CBFA2T3: variants seen among roughly 807,000 people sequenced by gnomAD.
CBFA2T3 encodes the protein CBFA2/RUNX1 partner transcriptional co-repressor 3.
In CBFA2T3, 31 loss-of-function variants were observed where a neutral mutation model predicts 58.6. The observed-to-expected ratio is 0.53, with a 90% CI of 0.40 to 0.71. The LOEUF is 0.71. Among genes scored for constraint, CBFA2T3 ranks in the 30% least tolerant of loss-of-function variants. The probability of loss-of-function intolerance (pLI) is 0.00; values close to 1 mark genes in which losing one functional copy is unlikely to be tolerated. For missense variants in CBFA2T3, 1,076 were observed against 963.1 expected (o/e 1.12, Z -1.55); for synonymous variants, 531 against 421.9 (o/e 1.26, Z -3.17).
intron 1 of CBFA2T3, among the ~76,000 whole-genome samples, chr16:88,963,836 C>T (rs955094125): frequency 1.3e-5 from 2 of 152,344 alleles, no homozygotes; most frequent in Admixed American, 6.5e-5. Flanking sequence ...CAGGGAGGCT[C>T]GGGTCCGTGC....
chr16:88,976,367 G>A (rs927343665), intron 1 of CBFA2T3, among the ~76,000 whole-genome samples: 1 of 151,070 alleles, frequency 6.6e-6, no homozygotes, highest in African/African-American at 2.4e-5. Context: ...GGAGAACACA[G>A]CCCACCCTCC....
chr16:88,882,415 G>A (rs1268005501), intron 8 of CBFA2T3, among the ~76,000 whole-genome samples: 1 of 150,656 alleles, frequency 6.6e-6, no homozygotes, highest in East Asian at 1.9e-4. Context: ...GTGTGGCTGT[G>A]TGTGTATGGC....
In CBFA2T3 at chr16:88,881,274, C is replaced by T; in HGVS notation, c.1402+17G>A. ...AGCACCCCGTGTCTGCTCCCTCCCC[C>T]CACACCCCACACGCACCTAGCTGAG... On this transcript the variant is annotated intron_variant, in intron 9 of 11. Transcript: ENST00000268679. The T allele has an allele frequency of 6.3e-7, 1 of 1,594,748 alleles. No homozygotes were observed. The highest frequency in any genetic ancestry group is 1.7e-5 in the Admixed American group (1 of 59,552).
At chr16:88,878,837 T>C (rs1968944184) in intron 11 of CBFA2T3, among the ~76,000 whole-genome samples, 1 of 152,104 alleles carries the variant, frequency 6.6e-6, no homozygotes, top group Non-Finnish European at 1.5e-5. Context: ...TCCCAGCTAC[T>C]TGGGAGGCTG....
chr16:88,897,043 G>A (rs915637482), intron 3 of CBFA2T3, among the ~76,000 whole-genome samples: 5 of 152,226 alleles, frequency 3.3e-5, no homozygotes, highest in East Asian at 3.8e-4. Flanking sequence ...GCACCCCCGC[G>A]GCTCCCCCAG....
At chr16:88,900,800 T>G (rs923744773) in intron 2 of CBFA2T3, among the ~76,000 whole-genome samples, 4 of 152,138 alleles carry the variant, frequency 2.6e-5, no homozygotes, top group Non-Finnish European at 5.9e-5. Flanking sequence ...GCTCTGCGGG[T>G]GACTGTGATG....
At chr16:88,969,373 C>T (rs1000745716) in intron 1 of CBFA2T3, among the ~76,000 whole-genome samples, 7 of 152,362 alleles carry the variant, frequency 4.6e-5, no homozygotes, top group African/African-American at 1.7e-4. Context: ...CGGCTGGTGC[C>T]TCCTGGCCTT....
chr16:88,896,133 C>T (rs1388619078), intron 3 of CBFA2T3, among the ~76,000 whole-genome samples: 5 of 152,158 alleles, frequency 3.3e-5, no homozygotes, highest in African/African-American at 4.8e-5. Flanking sequence ...ATAAACAGCC[C>T]CCACACCTAG....
intron 2 of CBFA2T3, among the ~76,000 whole-genome samples, chr16:88,901,195 A>G (rs1483517441): frequency 6.6e-6 from 1 of 152,198 alleles, no homozygotes; most frequent in Non-Finnish European, 1.5e-5. Flanking sequence ...GCTTTGACCC[A>G]TGGCCGGCCC....
chr16:88,962,442 C>T (rs930324101), intron 1 of CBFA2T3, among the ~76,000 whole-genome samples: 9 of 152,240 alleles, frequency 5.9e-5, no homozygotes, highest in Non-Finnish European at 2.9e-5. Context: ...CTGCTGGGGT[C>T]ACTGTCCTGT....
intron 1 of CBFA2T3, among the ~76,000 whole-genome samples, chr16:88,919,300 G>C (rs1230646353): frequency 1.3e-5 from 2 of 152,210 alleles, no homozygotes; most frequent in African/African-American, 4.8e-5. Flanking sequence ...ACCGGACACA[G>C]CGTCAGGTTA....
chr16:88,900,756 C>A (rs1243368222), intron 2 of CBFA2T3, among the ~76,000 whole-genome samples: 1 of 152,214 alleles, frequency 6.6e-6, no homozygotes, highest in Non-Finnish European at 1.5e-5. Context: ...AGCAACTGGG[C>A]CAAAGAGCAC....
chr16:88,876,746 C>T lies in CBFA2T3; in HGVS notation c.*230G>A, dbSNP rs143578732. 8.5e-5 allele frequency: 40 copies of T among 467,976 alleles called. No individual in the cohort carries two copies. Among genetic ancestry groups the T allele is most frequent in the African/African-American group, 6.1e-4 (30 of 49,002 alleles). The allele number at this position is 467,976 out of a possible 1,614,324, so 29.0% of individuals were successfully genotyped here. A position where few individuals can be genotyped will look rare whatever the true frequency, so the allele number is the denominator to read the frequency against. On this transcript the variant is annotated 3_prime_UTR_variant, in exon 12 of 12. Coordinates refer to ENST00000268679, the MANE Select transcript of CBFA2T3 (RefSeq NM_005187.6). ...GAGACGTTGTCAGGAGGTCTCCGCG[C>T]GGAATCATTAGGTAGCTGAGGCAGG...
At chr16:88,890,362 A>G (rs1455400765) in intron 5 of CBFA2T3, among the ~76,000 whole-genome samples, 1 of 152,162 alleles carries the variant, frequency 6.6e-6, no homozygotes, top group Non-Finnish European at 1.5e-5. Context: ...CAAGCCAGGG[A>G]GCATCTGGTC....
At chr16:88,887,573 C>A (rs1433080698) in intron 5 of CBFA2T3, among the ~76,000 whole-genome samples, 3 of 152,150 alleles carry the variant, frequency 2.0e-5, no homozygotes, top group East Asian at 1.9e-4. Context: ...GAACCCAGGA[C>A]TGGGCAGCAT....
At chr16:88,927,616 G>A (rs976654679) in intron 1 of CBFA2T3, among the ~76,000 whole-genome samples, 22 of 152,176 alleles carry the variant, frequency 1.4e-4, no homozygotes, top group South Asian at 2.1e-4. Context: ...GATAATCTCC[G>A]GGCTGCTCTG....
At chr16:88,951,898 C>T (rs1054521501) in intron 1 of CBFA2T3, among the ~76,000 whole-genome samples, 1 of 152,232 alleles carries the variant, frequency 6.6e-6, no homozygotes, top group Admixed American at 6.5e-5. Flanking sequence ...ACCGGTGCCC[C>T]TGCCCATCCT....
chr16:88,936,369 G>A (rs1971500117), intron 1 of CBFA2T3, among the ~76,000 whole-genome samples: 1 of 152,008 alleles, frequency 6.6e-6, no homozygotes, highest in Non-Finnish European at 1.5e-5. Context: ...ACCTCCTCCT[G>A]CCACGTCCAC....
intron 1 of CBFA2T3, among the ~76,000 whole-genome samples, chr16:88,932,093 G>A (rs1971327794): frequency 6.6e-6 from 1 of 152,112 alleles, no homozygotes; most frequent in South Asian, 2.1e-4. Flanking sequence ...GTGCGCCCCT[G>A]GCAACGGCAC....
Sources: gnomAD v4.1 joint callset for allele counts (sites outside exome capture counted in the v4.1 genomes callset) on GRCh38, gnomAD v4.1.1 for gene constraint, MANE v1.5 for transcripts, NCBI Gene and HGNC (gene_info 2026-07-23, HGNC 2026-07-21) for gene names.